Variants in ADARB2 observed in about 807,000 individuals in gnomAD.
ADARB2 encodes the protein inactive double-stranded RNA-specific editase B2.
ADARB2 carries 25 observed loss-of-function variants against 62.2 expected under a neutral mutation model. The ratio of observed to expected loss-of-function variants is 0.40; its 90% CI spans 0.29 to 0.56. The LOEUF (loss-of-function observed/expected upper bound fraction) is 0.56. Ranked by LOEUF, ADARB2 falls within the 20% of genes least tolerant of loss-of-function variation. The pLI, the probability that ADARB2 is intolerant of heterozygous loss-of-function variation, is 0.43. For missense variants in ADARB2, 1,071 were observed against 1,077.4 expected (o/e 0.99, Z 0.08); for synonymous variants, 572 against 500.8 (o/e 1.14, Z -1.90).
At chr10:1,585,013 G>A (rs1031212533) in intron 1 of ADARB2, among the ~76,000 whole-genome samples, 3 of 152,110 alleles carry the variant, frequency 2.0e-5, no homozygotes, top group Admixed American at 6.5e-5. Flanking sequence ...GTATGGTGCT[G>A]TATACTGTAA....
At chr10:1,408,853 C>T (rs1832729760) in intron 1 of ADARB2, among the ~76,000 whole-genome samples, 1 of 152,212 alleles carries the variant, frequency 6.6e-6, no homozygotes, top group African/African-American at 2.4e-5. Context: ...CTGGGTCTTG[C>T]TCTGTCTGCC....
At chr10:1,513,203 G>A (rs554912668) in intron 1 of ADARB2, among the ~76,000 whole-genome samples, 1 of 152,226 alleles carries the variant, frequency 6.6e-6, no homozygotes, top group Admixed American at 6.5e-5. Context: ...TACAATAACA[G>A]TAAATAAAAA....
chr10:1,519,097 C>A (rs765002877), intron 1 of ADARB2, among the ~76,000 whole-genome samples: 1 of 147,762 alleles, frequency 6.8e-6, no homozygotes, highest in Non-Finnish European at 1.5e-5. Flanking sequence ...AACGTCTGTA[C>A]ACGGTGTGGT....
At chr10:1,283,964 T>G (rs1831391087) in intron 3 of ADARB2, among the ~76,000 whole-genome samples, 1 of 152,156 alleles carries the variant, frequency 6.6e-6, no homozygotes, top group Admixed American at 6.5e-5. Context: ...GTTTTTGGGA[T>G]AAGAACAAAG....
chr10:1,300,655 A>T (rs1208589381), intron 3 of ADARB2, among the ~76,000 whole-genome samples: 1 of 152,198 alleles, frequency 6.6e-6, no homozygotes, highest in Admixed American at 6.5e-5. Flanking sequence ...CTCATTTTAA[A>T]ATTCCTCGTG....
chr10:1,464,315 G>A (rs1254869097), intron 1 of ADARB2, among the ~76,000 whole-genome samples: 12 of 139,120 alleles, frequency 8.6e-5, no homozygotes, highest in Admixed American at 1.4e-4. Context: ...GCAGCGCGCC[G>A]GAGAAGAGGG....
At position 1,183,117 on chromosome 10, in the gene ADARB2, C is replaced by T. The variant is rs1589144390; in HGVS notation, c.*76G>A. ...AAAACGAATGCAGGGAACCGGCCGA[C>T]CCGCCACGTCGCCCCCCAGACACGG... On this transcript the variant is annotated 3_prime_UTR_variant, in exon 10 of 10. Transcript: ENST00000381312. The T allele has an allele frequency of 6.5e-7, 1 of 1,530,494 alleles. No homozygotes were observed. Among genetic ancestry groups the T allele is most frequent in the South Asian group, 1.2e-5 (1 of 82,202 alleles). The allele number at this position is 1,530,494 out of a possible 1,614,324, so 94.8% of individuals were successfully genotyped here.
At chr10:1,534,175 C>T (rs748153490) in intron 1 of ADARB2, among the ~76,000 whole-genome samples, 20 of 143,534 alleles carry the variant, frequency 1.4e-4, no homozygotes, top group Non-Finnish European at 2.4e-4. Context: ...TTCACTTTGT[C>T]GCCCAGGCTG....
At chr10:1,396,354 G>A (rs4322312) in intron 1 of ADARB2, among the ~76,000 whole-genome samples, 37,536 of 152,100 alleles carry the variant, frequency 0.25, 5,038 homozygotes, top group Middle Eastern at 0.4. Flanking sequence ...CTCGGCCGAC[G>A]CAGCCTTCAC....
chr10:1,293,037 A>AAGGG (rs112407331), intron 3 of ADARB2: 1 of 66,858 alleles, frequency 1.5e-5, no homozygotes, highest in Non-Finnish European at 2.5e-5. Context: ...GGGACACAGG[A>AAGGG]AGAGATGCAG....
chr10:1,640,430 G>T (rs1451767712), intron 1 of ADARB2, among the ~76,000 whole-genome samples: 1 of 152,210 alleles, frequency 6.6e-6, no homozygotes, highest in African/African-American at 2.4e-5. Flanking sequence ...CAGGTTAAAA[G>T]CAAGTGTCAG....
At chr10:1,635,433 C>A (rs1038219478) in intron 1 of ADARB2, among the ~76,000 whole-genome samples, 4 of 152,196 alleles carry the variant, frequency 2.6e-5, no homozygotes, top group Non-Finnish European at 5.9e-5. Context: ...GAGACCACAG[C>A]GCTGTGCTTG....
intron 6 of ADARB2, among the ~76,000 whole-genome samples, chr10:1,217,338 G>A (rs1471230985): frequency 1.3e-5 from 2 of 152,202 alleles, no homozygotes; most frequent in African/African-American, 4.8e-5. Flanking sequence ...TCAAGGGTCA[G>A]GGAGTAAAAA....
At position 1,477,450 on chromosome 10, in the gene ADARB2, G is replaced by C. The variant is rs1053877249; in HGVS notation, c.101-98290C>G. ...CTTCCAGCCCTGCTTCTTTGCAGAC[G>C]GCCCCTTTTCTGCTGTGCTGCCCAT... is the stretch of plus-strand genomic sequence containing the variant. On this transcript the variant is annotated intron_variant, in intron 1 of 9. Coordinates refer to ENST00000381312, the MANE Select transcript of ADARB2 (RefSeq NM_018702.4). The surrounding 1 kb of genome is among the most constrained non-coding windows in gnomAD (Gnocchi z 4.5). Among the ~76,000 whole-genome samples, 1 of 151,954 alleles carries C rather than the reference G, an allele frequency of 6.6e-6. No individual in the cohort carries two copies. The highest frequency in any genetic ancestry group is 1.5e-5 in the Non-Finnish European group (1 of 67,970).
chr10:1,401,895 G>A (rs1000272914), intron 1 of ADARB2, among the ~76,000 whole-genome samples: 2 of 152,202 alleles, frequency 1.3e-5, no homozygotes, highest in African/African-American at 4.8e-5. Context: ...TGTACTTGTG[G>A]AGGGCTGAGT....
intron 1 of ADARB2, among the ~76,000 whole-genome samples, chr10:1,609,389 C>G (rs1052293991): frequency 7.2e-5 from 11 of 152,218 alleles, no homozygotes; most frequent in Admixed American, 7.2e-4. Context: ...CAGGAGGCTG[C>G]GTGCCTGGGA....
chr10:1,680,991 G>A (rs897956881), intron 1 of ADARB2, among the ~76,000 whole-genome samples: 4 of 152,180 alleles, frequency 2.6e-5, no homozygotes, highest in South Asian at 2.1e-4. Context: ...CAATAGTGAC[G>A]GATGTGTGTC....
intron 1 of ADARB2, among the ~76,000 whole-genome samples, chr10:1,470,381 G>C (rs1194522433): frequency 6.6e-6 from 1 of 152,200 alleles, no homozygotes; most frequent in Non-Finnish European, 1.5e-5. Context: ...AGATGCTGCT[G>C]ATGCAAATAC....
chr10:1,319,155 C>A (rs1408952473), intron 3 of ADARB2, among the ~76,000 whole-genome samples: 4 of 152,252 alleles, frequency 2.6e-5, no homozygotes, highest in East Asian at 3.9e-4. Context: ...TAGGAACAGA[C>A]TTCCTTACAC....
Sources: gnomAD v4.1 joint callset for allele counts (sites outside exome capture counted in the v4.1 genomes callset) on GRCh38, gnomAD v4.1.1 for gene constraint, Gnocchi (gnomAD v3.1) non-coding constraint, MANE v1.5 for transcripts, NCBI Gene and HGNC (gene_info 2026-07-23, HGNC 2026-07-21) for gene names.